Variants in CD226 observed in about 807,000 individuals in gnomAD.
CD226 encodes CD226 molecule.
Under a neutral mutation model 34.9 loss-of-function variants are expected in CD226, and 24 were observed. That is an observed-to-expected ratio of 0.69 (90% CI 0.50 to 0.97). CD226 has a LOEUF of 0.97. CD226 is among the 50% of genes least tolerant of loss of function. CD226 has a pLI of 0.00. For missense variants in CD226, 397 were observed against 412.7 expected, an observed-to-expected ratio of 0.96 and a Z score of 0.33; for synonymous variants, 148 against 147.4, an observed-to-expected ratio of 1.00 and a Z score of -0.03.
chr18:69,954,579 T>G (rs2055881115), intron 1 of CD226, among the ~76,000 whole-genome samples: 1 of 146,414 alleles, frequency 6.8e-6, no homozygotes, highest in Admixed American at 6.8e-5. Flanking sequence ...GTTTCTATGA[T>G]CAGGCCCAAA....
At chr18:69,907,205 G>A (rs900764465) in intron 2 of CD226, among the ~76,000 whole-genome samples, 1 of 152,230 alleles carries the variant, frequency 6.6e-6, no homozygotes, top group African/African-American at 2.4e-5. Flanking sequence ...CTCAGGGACT[G>A]CTTCTGGTGA....
At chr18:69,878,045 C>A (rs1032538364) in intron 3 of CD226, among the ~76,000 whole-genome samples, 11 of 152,164 alleles carry the variant, frequency 7.2e-5, no homozygotes, top group Non-Finnish European at 1.6e-4. Context: ...AAAGGAAAAG[C>A]AAATGGGTAC....
intron 2 of CD226, among the ~76,000 whole-genome samples, chr18:69,940,969 T>C (rs2055716780): frequency 6.6e-6 from 1 of 152,176 alleles, no homozygotes; most frequent in Admixed American, 6.5e-5. Context: ...CGGGACTGCA[T>C]ATGGTGCCCT....
At chr18:69,923,941 G>A (rs1216876598) in intron 2 of CD226, among the ~76,000 whole-genome samples, 1 of 147,786 alleles carries the variant, frequency 6.8e-6, no homozygotes, top group African/African-American at 2.5e-5. Context: ...GCGACAGAGC[G>A]AGACTCCGTC....
intron 5 of CD226, among the ~76,000 whole-genome samples, chr18:69,866,452 G>C (rs1983149591): frequency 6.6e-6 from 1 of 152,028 alleles, no homozygotes; most frequent in Non-Finnish European, 1.5e-5. Context: ...GAATAAGGAA[G>C]AAACTTTTAC....
At chr18:69,910,998 T>C (rs1452108040) in intron 2 of CD226, among the ~76,000 whole-genome samples, 1 of 152,130 alleles carries the variant, frequency 6.6e-6, no homozygotes, top group African/African-American at 2.4e-5. Context: ...AGAGGAATAA[T>C]AATGAGTTCT....
chr18:69,917,121 A>G (rs548279326), intron 2 of CD226, among the ~76,000 whole-genome samples: 3 of 152,178 alleles, frequency 2.0e-5, no homozygotes, highest in African/African-American at 4.8e-5. Flanking sequence ...CTCTATATAC[A>G]TTACATAGTA....
chr18:69,930,813 C>T (rs1039263422), intron 2 of CD226, among the ~76,000 whole-genome samples: 1 of 152,202 alleles, frequency 6.6e-6, no homozygotes, highest in Non-Finnish European at 1.5e-5. Context: ...CTCCATAAAG[C>T]TCAGGCTGAA....
rs1201653279 is a variant in CD226 at position 69,926,590 on chromosome 18, A to G, written c.382+20144T>C. ...ATGCCTGGCAAGTGGTAACAGCTAA[A>G]TATGTGTTAGTTGAAATGAGTTGAA... On this transcript the variant is annotated intron_variant, in intron 2 of 5. Coordinates refer to ENST00000582621, the MANE Select transcript of CD226 (RefSeq NM_001303618.2). Among the ~76,000 whole-genome samples the G allele has an allele frequency of 4.6e-5, 7 of 152,300 alleles. No individual in the cohort carries two copies. The East Asian group carries it at 1.4e-3, about 30-fold the overall frequency.
rs1300747531 is a variant in CD226, at chr18:69,856,022, G to A, written c.*8292C>T. On this transcript the variant is annotated 3_prime_UTR_variant, in exon 6 of 6. Transcript: ENST00000582621. The stretch of plus-strand genomic sequence containing the variant: ...CAACATTTTTAAGTAAGAAAAGTGG[G>A]GAAATTACAAATAGACGCAACTATA... 6.6e-6 allele frequency: 1 copy of A among 151,694 alleles called. No individual in the cohort carries two copies. Among genetic ancestry groups the A allele is most frequent in the African/African-American group, 2.4e-5 (1 of 41,272 alleles). 9.4% of individuals were successfully genotyped at this position (151,694 alleles called of 1,614,324 possible).
At chr18:69,912,916 C>G (rs2055342979) in intron 2 of CD226, among the ~76,000 whole-genome samples, 1 of 152,138 alleles carries the variant, frequency 6.6e-6, no homozygotes, top group African/African-American at 2.4e-5. Flanking sequence ...GGAAAGGAAC[C>G]ACACAGCACA....
At chr18:69,948,184 T>C (rs1275060091), upstream of CD226, among the ~76,000 whole-genome samples, 1 of 152,182 alleles carries the variant, frequency 6.6e-6, no homozygotes. Context: ...TCTTACATAA[T>C]TATAGTACAA....
chr18:69,915,487 AC>A (rs2055374417), intron 2 of CD226, among the ~76,000 whole-genome samples: 1 of 152,178 alleles, frequency 6.6e-6, no homozygotes, highest in Non-Finnish European at 1.5e-5. Flanking sequence ...TCTCAAATAT[AC>A]CTTTGGAAGC....
At chr18:69,951,225 A>G (rs867393592), upstream of CD226, among the ~76,000 whole-genome samples, 1 of 151,934 alleles carries the variant, frequency 6.6e-6, no homozygotes, top group Non-Finnish European at 1.5e-5. Flanking sequence ...GCACTTGTAC[A>G]TGTTGGCCTC....
At position 69,896,102 on chromosome 18, in the gene CD226, T is replaced by C. The variant is rs1985275324; in HGVS notation, c.383-57A>G. ...GTTGTCAAATTTTGGGACACCCAAC[T>C]GGAAGATACTTAATCATAAAAATAA... On this transcript the variant is annotated intron_variant, in intron 2 of 5. Transcript: ENST00000582621. 1.9e-6 allele frequency: 3 copies of C among 1,545,920 alleles called. No individual in the cohort carries two copies. The South Asian group carries it at 3.6e-5, about 19-fold the overall frequency.
rs531949796 is a variant in CD226, at chr18:69,881,134, C to T, written c.728-7888G>A. 2.3e-4 allele frequency among the ~76,000 whole-genome samples: 35 copies of T among 152,102 alleles called. No homozygotes were observed. The East Asian group carries it at 6.0e-3, about 26-fold the overall frequency. On this transcript the variant is annotated intron_variant, in intron 3 of 5. Coordinates refer to ENST00000582621, the MANE Select transcript of CD226 (RefSeq NM_001303618.2). Reference sequence around the variant, plus strand: ...CATATGTCAAAATATCACAGCGTACCCCCAAAATATGCACAAATATTATTT... The same window carrying T: ...CATATGTCAAAATATCACAGCGTACTCCCAAAATATGCACAAATATTATTT...
rs542378311 is a variant in CD226, at chr18:69,861,136, C to T, written c.*3178G>A. ...CTTACTTTGTCTTTTAAATTGATAA[C>T]CCATGTATTTTAAGTTTATATATAT... On this transcript the variant is annotated 3_prime_UTR_variant, in exon 6 of 6. Transcript: ENST00000582621. 6.6e-6 allele frequency: 1 copy of T among 151,886 alleles called. No homozygotes were observed. The highest frequency in any genetic ancestry group is 6.6e-5 in the Admixed American group (1 of 15,254). 9.4% of individuals were successfully genotyped at this position (151,886 alleles called of 1,614,324 possible).
rs778329256 is a variant in CD226, at chr18:69,863,295, C to T, written c.*1019G>A. ...AAAAAATAATAACTAGGTGCCTGAC[C>T]CTTTTGAGAGAATTTACATATTAAA... On this transcript the variant is annotated 3_prime_UTR_variant, in exon 6 of 6. Coordinates refer to ENST00000582621, the MANE Select transcript of CD226 (RefSeq NM_001303618.2). The T allele has an allele frequency of 6.6e-6, 1 of 152,040 alleles. No individual in the cohort carries two copies. The highest frequency in any genetic ancestry group is 1.5e-5 in the Non-Finnish European group (1 of 68,026). 9.4% of individuals were successfully genotyped at this position (152,040 alleles called of 1,614,324 possible).
chr18:69,917,401 T>C (rs1365106932), intron 2 of CD226, among the ~76,000 whole-genome samples: 1 of 152,114 alleles, frequency 6.6e-6, no homozygotes, highest in African/African-American at 2.4e-5. Flanking sequence ...GCACCATCTT[T>C]CCTTCCCTCC....
Sources: gnomAD v4.1 joint callset for allele counts (sites outside exome capture counted in the v4.1 genomes callset) on GRCh38, gnomAD v4.1.1 for gene constraint, MANE v1.5 for transcripts, NCBI Gene and HGNC (gene_info 2026-07-23, HGNC 2026-07-21) for gene names.